The following ITPKB variants were observed in gnomAD, a reference collection of about 807,000 sequenced individuals.
The protein encoded by ITPKB is inositol-trisphosphate 3-kinase B.
In ITPKB, 13 loss-of-function variants were observed where a neutral mutation model predicts 69.4. The ratio of observed to expected loss-of-function variants is 0.19; its 90% CI spans 0.12 to 0.30. The LOEUF (loss-of-function observed/expected upper bound fraction) is 0.30, where lower values mean the gene tolerates loss of function less well. Among genes scored for constraint, ITPKB ranks in the 10% least tolerant of loss-of-function variants. The probability of loss-of-function intolerance (pLI) is 1.00; values close to 1 mark genes in which losing one functional copy is unlikely to be tolerated. For missense variants in ITPKB, 1,240 were observed against 1,250.5 expected (o/e 0.99, Z 0.13); for synonymous variants, 584 against 513.7 (o/e 1.14, Z -1.85).
chr1:226,675,514 G>A (rs1480130144), intron 2 of ITPKB, among the ~76,000 whole-genome samples: 2 of 152,174 alleles, frequency 1.3e-5, no homozygotes, highest in African/African-American at 4.8e-5. Flanking sequence ...CTGTGGGGAG[G>A]AGGAAGGAAG....
chr1:226,718,054 G>A (rs1050146307), intron 2 of ITPKB, among the ~76,000 whole-genome samples: 2 of 152,188 alleles, frequency 1.3e-5, no homozygotes, highest in Admixed American at 6.5e-5. Flanking sequence ...CCAACACTTT[G>A]GGAGGCCGAG....
rs1486687693 is a variant in ITPKB at position 226,736,697 on chromosome 1, A to G, written c.762T>C (p.Phe254=). 6.2e-7 allele frequency: 1 copy of G among 1,612,894 alleles called. No homozygotes were observed. Among genetic ancestry groups the G allele is most frequent in the Non-Finnish European group, 8.5e-7 (1 of 1,179,790 alleles). ...CAGGGATACCCTTCTCCATCCTTAC[A>G]AAAGCGGATGGACCCTGAGCCTCTG... ...TGSEAQGPSA[F]VRMEKGIPAS... Residue 254 remains phenylalanine, a synonymous_variant, in exon 2 of 8, where the codon TTT becomes TTC. Transcript: ENST00000429204.
In ITPKB at chr1:226,641,640, C is replaced by G. The variant is rs528753360; in HGVS notation, c.2451+281G>C. On this transcript the variant is annotated intron_variant, in intron 5 of 7. Transcript: ENST00000429204. This position sits in a 1 kb window ranked among gnomAD's most constrained non-coding sequence, Gnocchi z 4.6. ...CCGCAGGTGCCTCTCGCCTGGCTTT[C>G]GGTGCCAGGCACCGTCTGGGCTAAA... Among the ~76,000 whole-genome samples the G allele has an allele frequency of 6.6e-6, 1 of 152,334 alleles. No individual in the cohort carries two copies. The highest frequency in any genetic ancestry group is 1.9e-4 in the East Asian group (1 of 5,180).
chr1:226,652,330 G>A (rs186605856), intron 2 of ITPKB, among the ~76,000 whole-genome samples: 4 of 152,286 alleles, frequency 2.6e-5, no homozygotes, highest in East Asian at 3.9e-4. Flanking sequence ...CCAGGCACAC[G>A]CCGCTTTCCA....
At chr1:226,657,668 T>C (rs927101716) in intron 2 of ITPKB, among the ~76,000 whole-genome samples, 2 of 152,242 alleles carry the variant, frequency 1.3e-5, no homozygotes, top group African/African-American at 4.8e-5. Flanking sequence ...ATAGCTCAGG[T>C]AACTCTCACA....
chr1:226,721,480 T>C (rs570923362), intron 2 of ITPKB, among the ~76,000 whole-genome samples: 2 of 151,942 alleles, frequency 1.3e-5, no homozygotes, highest in Non-Finnish European at 2.9e-5. Flanking sequence ...CATCTGGTCA[T>C]GGGGTCATAC....
At chr1:226,644,435 C>G (rs1669025023) in intron 4 of ITPKB, among the ~76,000 whole-genome samples, 1 of 152,212 alleles carries the variant, frequency 6.6e-6, no homozygotes, top group Non-Finnish European at 1.5e-5. Context: ...AGGGAGCCAA[C>G]AGGTGGCAGG....
chr1:226,666,048 C>T (rs147841548), intron 2 of ITPKB, among the ~76,000 whole-genome samples: 1 of 152,332 alleles, frequency 6.6e-6, no homozygotes, highest in East Asian at 1.9e-4. Context: ...CCCCACCAGC[C>T]TGCCTAAAAA....
intron 2 of ITPKB, among the ~76,000 whole-genome samples, chr1:226,665,026 G>A (rs1669471361): frequency 6.6e-6 from 1 of 152,264 alleles, no homozygotes; most frequent in African/African-American, 2.4e-5. Context: ...ATATAGGGCA[G>A]AGGCCAGCAG....
In ITPKB at chr1:226,637,862, C is replaced by T. The variant is rs749236158; in HGVS notation, c.2554-112G>A. ...CCGTGAATGTGCTTTACCCTAAACG[C>T]CGGACATCTAGAGGCAGCTTCCTGC... On this transcript the variant is annotated intron_variant, in intron 6 of 7. Transcript: ENST00000429204. The surrounding 1 kb of genome is among the most constrained non-coding windows in gnomAD (Gnocchi z 4.3). The T allele has an allele frequency of 1.0e-5, 8 of 771,542 alleles. No individual in the cohort carries two copies. Among genetic ancestry groups the T allele is most frequent in the Non-Finnish European group, 1.8e-5 (8 of 447,152 alleles). The allele number at this position is 771,542 out of a possible 1,614,324, so 47.8% of individuals were successfully genotyped here.
In ITPKB at chr1:226,724,695, C is replaced by A. The variant is rs372373263; in HGVS notation, c.1932+10832G>T. On this transcript the variant is annotated intron_variant, in intron 2 of 7. Coordinates refer to ENST00000429204, the MANE Select transcript of ITPKB (RefSeq NM_002221.4). ...TACACCTCAGGGTTCTTCCCCTCCC[C>A]CTAGAGCTCTTCCATAGCTAAGACT... Among the ~76,000 whole-genome samples, 16 of 152,306 alleles carry A rather than the reference C, an allele frequency of 1.1e-4. No individual in the cohort carries two copies. In the South Asian group the frequency reaches 3.3e-3, roughly 32 times the overall value.
At chr1:226,715,359 A>T (rs1657069485) in intron 2 of ITPKB, among the ~76,000 whole-genome samples, 1 of 152,248 alleles carries the variant, frequency 6.6e-6, no homozygotes, top group Admixed American at 6.5e-5. Flanking sequence ...CTGTGCGTGC[A>T]TTCTCTTTAG....
At chr1:226,728,755 C>A (rs750219328) in intron 2 of ITPKB, among the ~76,000 whole-genome samples, 11 of 152,164 alleles carry the variant, frequency 7.2e-5, no homozygotes, top group Non-Finnish European at 1.3e-4. Flanking sequence ...ACGCTCACCA[C>A]TCCATGAGGT....
chr1:226,648,272 A>T (rs1056001848), intron 3 of ITPKB, among the ~76,000 whole-genome samples: 1 of 152,226 alleles, frequency 6.6e-6, no homozygotes, highest in Non-Finnish European at 1.5e-5. Context: ...TTAGGCACAC[A>T]GTAGGTGCTC....
chr1:226,709,775 A>C (rs1656897598), intron 2 of ITPKB, among the ~76,000 whole-genome samples: 1 of 152,198 alleles, frequency 6.6e-6, no homozygotes, highest in African/African-American at 2.4e-5. Flanking sequence ...CCTCACTGTC[A>C]TTCTCTCTTG....
At chr1:226,737,684 A>G in intron 1 of ITPKB, 21 bp from the exon 2 acceptor site, 2 of 916,552 alleles carry the variant, frequency 2.2e-6, no homozygotes, top group Non-Finnish European at 2.7e-6. Context: ...ACAAGGAGAA[A>G]AGTCAGGACC....
Position 226,736,603 on chromosome 1 carries a change from G to C in ITPKB, c.856C>G (p.Arg286Gly). Residue 286 changes from arginine to glycine, a missense_variant, in exon 2 of 8, where the codon CGG becomes GGG. This residue lies in a region of ITPKB where 992 missense variants were observed against 853.8 expected (regional missense o/e 1.16). Coordinates refer to ENST00000429204, the MANE Select transcript of ITPKB (RefSeq NM_002221.4). ...DKRGSPTPGT[R>G]SCLAPSLGLF... Reference sequence around the variant, plus strand: ...CCCAATGAGGGAGCTAGGCAGCTCCGAGTTCCCGGGGTAGGAGAGCCCCTT... The same window carrying C: ...CCCAATGAGGGAGCTAGGCAGCTCCCAGTTCCCGGGGTAGGAGAGCCCCTT... 6.2e-7 allele frequency: 1 copy of C among 1,613,796 alleles called. No individual in the cohort carries two copies.
chr1:226,676,509 A>C (rs1571854132), intron 2 of ITPKB, among the ~76,000 whole-genome samples: 2 of 152,312 alleles, frequency 1.3e-5, no homozygotes, highest in Middle Eastern at 3.4e-3. Context: ...CAACCTTCTA[A>C]AAACCTTGGC....
At chr1:226,639,770 A>G in intron 5 of ITPKB, 112 bp from the exon 6 acceptor site, 1 of 750,138 alleles carries the variant, frequency 1.3e-6, no homozygotes. Context: ...AACCTGGGGC[A>G]GGGCCAGTGG....
Sources: allele counts gnomAD v4.1 joint callset (sites outside exome capture counted in the v4.1 genomes callset), GRCh38; gene constraint gnomAD v4.1.1; regional missense constraint gnomAD v4.1.1; non-coding constraint Gnocchi (gnomAD v3.1); transcripts MANE v1.5; gene names NCBI Gene and HGNC (gene_info 2026-07-23, HGNC 2026-07-21).